The following CDHR2 variants were observed in gnomAD, a reference collection of about 807,000 sequenced individuals.
The protein encoded by CDHR2 is cadherin related family member 2, also known as cadherin-related family member 2.
CDHR2 carries 104 observed loss-of-function variants against 138.6 expected under a neutral mutation model. The ratio of observed to expected loss-of-function variants is 0.75; its 90% CI spans 0.64 to 0.88. The LOEUF is 0.88. Ranked by LOEUF, CDHR2 falls within the 40% of genes least tolerant of loss-of-function variation. CDHR2 has a pLI of 0.00. For missense variants in CDHR2, 1,624 were observed against 1,727.6 expected, an observed-to-expected ratio of 0.94 and a Z score of 1.06; for synonymous variants, 755 against 742.8, an observed-to-expected ratio of 1.02 and a Z score of -0.27.
chr5:176,558,671 C>T (rs886883610), intron 1 of CDHR2, among the ~76,000 whole-genome samples: 16 of 152,270 alleles, frequency 1.1e-4, no homozygotes, highest in African/African-American at 3.8e-4. Flanking sequence ...AGGCGTGAGC[C>T]ACCGCGCCTG....
In CDHR2 at chr5:176,584,891, C is replaced by T. The variant is rs754627883; in HGVS notation, c.2610C>T (p.Ala870=). 4.3e-6 allele frequency: 7 copies of T among 1,613,674 alleles called. No homozygotes were observed. Among genetic ancestry groups the T allele is most frequent in the Non-Finnish European group, 5.1e-6 (6 of 1,179,800 alleles). ...SLCWGWFSVA[A]NGSVYINQSK... The stretch of plus-strand genomic sequence containing the variant: ...GCTGGGGCTGGTTCTCAGTGGCGGC[C>T]AACGGCTCTGTGTACATCAACCAGA... The change falls in exon 19 of 32, where the codon GCC becomes GCT. Residue 870 remains alanine (A), a synonymous_variant. Coordinates refer to ENST00000261944, the MANE Select transcript of CDHR2 (RefSeq NM_017675.6).
chr5:176,587,422 TG>T (rs1328449650), intron 21 of CDHR2, among the ~76,000 whole-genome samples: 1 of 151,836 alleles, frequency 6.6e-6, no homozygotes, highest in Non-Finnish European at 1.5e-5. Context: ...CACTCCAGCC[TG>T]GGCGACAAGA....
In CDHR2 at chr5:176,579,719, G is replaced by A. The variant is rs902306017; in HGVS notation, c.1818+1111G>A. On this transcript the variant is annotated intron_variant, in intron 16 of 31. Transcript: ENST00000261944. The stretch of plus-strand genomic sequence containing the variant: ...AGCAGAATGAAATGGAGGAGCTGAA[G>A]GTGGAGACTGGCTGGGAGGAAGGAA... Among the ~76,000 whole-genome samples the A allele has an allele frequency of 5.9e-5, 9 of 152,300 alleles. No individual in the cohort carries two copies. In the East Asian group the frequency reaches 1.7e-3, roughly 29 times the overall value.
intron 1 of CDHR2, among the ~76,000 whole-genome samples, chr5:176,560,431 A>C (rs1269439537): frequency 6.6e-6 from 1 of 152,058 alleles, no homozygotes; most frequent in Non-Finnish European, 1.5e-5. Flanking sequence ...AGACGCCAAA[A>C]AAGAATGATT....
rs199744196 is a variant in CDHR2, at chr5:176,584,467, G to A, written c.2186G>A (p.Arg729His). The A allele has an allele frequency of 6.0e-5, 97 of 1,609,804 alleles. No individual in the cohort carries two copies. The highest frequency in any genetic ancestry group is 8.4e-5 in the Admixed American group (5 of 59,820). Reference protein sequence around the residue: ...WDADQTEANNRISFSLSGSGA... With the variant: ...WDADQTEANNHISFSLSGSGA... ...GCGGACCAGACGGAAGCCAACAACC[G>A]CATCAGCTTCAGCCTGTCGGGGAGT... Residue 729 changes from arginine (R) to histidine (H), a missense_variant, in exon 19 of 32, where the codon CGC becomes CAC. Arg to His is a conservative substitution (Grantham distance 29). Coordinates refer to ENST00000261944, the MANE Select transcript of CDHR2 (RefSeq NM_017675.6).
At position 176,575,250 on chromosome 5, in the gene CDHR2, G is replaced by A. The variant is rs201292271; in HGVS notation, c.622-30G>A. The A allele has an allele frequency of 4.2e-4, 684 of 1,614,012 alleles. 1 individual carries two copies. Among genetic ancestry groups the A allele is most frequent in the Non-Finnish European group, 5.5e-4 (654 of 1,179,986 alleles). The stretch of plus-strand genomic sequence containing the variant: ...GGCAGGCGGGCCTAGGACCCACGGC[G>A]CTGGCTCACGGGTGGCCATCTCCCC... On this transcript the variant is annotated intron_variant, in intron 8 of 31. Transcript: ENST00000261944.
intron 7 of CDHR2, among the ~76,000 whole-genome samples, 168 bp downstream of exon 7, chr5:176,574,340 C>T (rs182325012): frequency 6.6e-6 from 1 of 152,316 alleles, no homozygotes; most frequent in East Asian, 1.9e-4. Context: ...GGAAACCTCG[C>T]CTTGCCCGCT....
intron 19 of CDHR2, 141 bp downstream of exon 19, chr5:176,585,156 A>T: frequency 9.3e-7 from 1 of 1,069,732 alleles, no homozygotes; most frequent in South Asian, 1.7e-5. Flanking sequence ...AAAGTCCCAA[A>T]CCCTCTCCAA....
Position 176,589,350 on chromosome 5 carries a change from C to T in CDHR2, c.3029C>T (p.Ser1010Phe). Residue 1010 changes from serine to phenylalanine, a missense_variant, in exon 23 of 32, where the codon TCC becomes TTC. Ser to Phe is a radical substitution (Grantham distance 155). This residue lies in a region of CDHR2 where 556 missense variants were observed against 565.7 expected (regional missense o/e 0.98). Coordinates refer to ENST00000261944, the MANE Select transcript of CDHR2 (RefSeq NM_017675.6). ...GSIQPVTSLD[S>F]TLQGTYQVTV... ...CGCAGGCCGGTGACCAGCCTCGACT[C>T]CACTCTCCAAGGCACCTACCAAGTG... 6.4e-7 allele frequency: 1 copy of T among 1,555,900 alleles called. No homozygotes were observed. Among genetic ancestry groups the T allele is most frequent in the East Asian group, 2.2e-5 (1 of 44,458 alleles).
In CDHR2 at chr5:176,589,407, GTCCTT is replaced by G; in HGVS notation, c.3091_3095del (p.Phe1031GlyfsTer36). The G allele has an allele frequency of 6.3e-7, 1 of 1,582,638 alleles. No homozygotes were observed. The highest frequency in any genetic ancestry group is 2.2e-5 in the East Asian group (1 of 44,576). ...CAGGCCAGGGACAGACCTTCCTTGG[GTCCTT>G]TCCTGGAAGCCACCACCACCCTGAA... On this transcript the variant is annotated frameshift_variant, in exon 23 of 32. Coordinates refer to ENST00000261944, the MANE Select transcript of CDHR2 (RefSeq NM_017675.6). LOFTEE classifies it high-confidence loss of function.
At chr5:176,564,645 T>C (rs188351343) in intron 1 of CDHR2, among the ~76,000 whole-genome samples, 4 of 152,274 alleles carry the variant, frequency 2.6e-5, no homozygotes, top group Admixed American at 2.0e-4. Flanking sequence ...TCTGTCTGGC[T>C]ATCAATCAAC....
At position 176,575,180 on chromosome 5, in the gene CDHR2, G is replaced by A. The variant is rs766706774; in HGVS notation, c.592G>A (p.Ala198Thr). 15 of 1,614,098 alleles carry A rather than the reference G, an allele frequency of 9.3e-6. No individual in the cohort carries two copies. The highest frequency in any genetic ancestry group is 6.7e-5 in the East Asian group (3 of 44,900). ...CAGCCTCAGCTACAACAACAAGAGC[G>A]CTTTCTACCAGCTGGAGCTGAAGGC... The part of the protein sequence containing the change: ...NGSLSYNNKS[A>T]FYQLELKACD... Residue 198 changes from alanine (A) to threonine (T), a missense_variant, in exon 8 of 32, where the codon GCT becomes ACT. Ala to Thr is a moderately conservative substitution (Grantham distance 58, BLOSUM62 0). Around this residue, in one of 3 missense-constraint regions of CDHR2, gnomAD observed 1,061 missense variants for 1,136.6 expected, o/e 0.93. Coordinates refer to ENST00000261944, the MANE Select transcript of CDHR2 (RefSeq NM_017675.6).
At chr5:176,549,666 A>C (rs7733701) in intron 1 of CDHR2, among the ~76,000 whole-genome samples, 146,252 of 152,228 alleles carry the variant, frequency 0.96, 70,524 homozygotes, top group Non-Finnish European at 1. Context: ...CAAGTCCTCA[A>C]GGGATGATTC....
At position 176,587,388 on chromosome 5, in the gene CDHR2, C is replaced by T. The variant is rs113101218; in HGVS notation, c.2856+546C>T. On this transcript the variant is annotated intron_variant, in intron 21 of 31. Transcript: ENST00000261944. ...ACTTGAACTCGAGAGGCGGAGGTTGCGGTGAGTCGAGATCACGCCATTGCA... is the reference window on the plus strand; with the variant it reads ...ACTTGAACTCGAGAGGCGGAGGTTGTGGTGAGTCGAGATCACGCCATTGCA... Among the ~76,000 whole-genome samples the T allele has an allele frequency of 2.6e-5, 4 of 151,758 alleles. No homozygotes were observed. The East Asian group carries it at 5.8e-4, about 22-fold the overall frequency.
At chr5:176,586,559 T>C (rs1338343426) in intron 20 of CDHR2, 1 of 542,496 alleles carries the variant, frequency 1.8e-6, no homozygotes, top group African/African-American at 1.9e-5. Flanking sequence ...AGGACTTCCC[T>C]CTCTGGGCCT....
chr5:176,574,113 G>C lies in CDHR2; in HGVS notation c.436G>C (p.Val146Leu). ...TLPVGSVVFSVLAVDKDMGSA... is the reference protein window; with the variant it reads ...TLPVGSVVFSLLAVDKDMGSA... ...GCCCGTGGGCAGTGTGGTGTTCTCC[G>C]TGCTGGCCGTGGATAAAGACATGGG... The change falls in exon 7 of 32, where the codon GTG (valine) becomes CTG (leucine). Residue 146 changes from valine to leucine, a missense_variant. By Grantham distance (32) the Val-to-Leu change is conservative (BLOSUM62 1). Around this residue, in one of 3 missense-constraint regions of CDHR2, gnomAD observed 1,061 missense variants for 1,136.6 expected, o/e 0.93. Coordinates refer to ENST00000261944, the MANE Select transcript of CDHR2 (RefSeq NM_017675.6). The C allele has an allele frequency of 1.2e-6, 2 of 1,614,092 alleles. No homozygotes were observed.
chr5:176,557,229 A>G (rs1757854603), intron 1 of CDHR2, among the ~76,000 whole-genome samples: 1 of 150,772 alleles, frequency 6.6e-6, no homozygotes, highest in Admixed American at 6.6e-5. Flanking sequence ...TTTTTGAGAC[A>G]GGATCTCACT....
upstream of CDHR2, among the ~76,000 whole-genome samples, chr5:176,548,417 G>A (rs1199923192): frequency 6.6e-6 from 1 of 152,206 alleles, no homozygotes; most frequent in Non-Finnish European, 1.5e-5. Flanking sequence ...GAGCCCCTTC[G>A]GGAGGCCACC....
chr5:176,575,361 C>A lies in CDHR2; in HGVS notation c.703C>A (p.Pro235Thr). Residue 235 changes from proline to threonine, a missense_variant, in exon 9 of 32, where the codon CCT becomes ACT. Physicochemically the swap from Pro to Thr is conservative, Grantham distance 38. Coordinates refer to ENST00000261944, the MANE Select transcript of CDHR2 (RefSeq NM_017675.6). Reference protein sequence around the residue: ...VFLSISVVDQPDLDPQFVREF... With the variant: ...VFLSISVVDQTDLDPQFVREF... ...CCTGTCCATCTCCGTGGTGGACCAG[C>A]CTGACCTTGACCCCCAGTTTGTCAG... The A allele has an allele frequency of 6.2e-7, 1 of 1,614,244 alleles. No homozygotes were observed. The highest frequency in any genetic ancestry group is 2.2e-5 in the East Asian group (1 of 44,882).
Sources: gnomAD v4.1 joint callset for allele counts (sites outside exome capture counted in the v4.1 genomes callset) on GRCh38, gnomAD v4.1.1 for gene constraint, gnomAD v4.1.1 regional missense constraint, MANE v1.5 for transcripts, NCBI Gene and HGNC (gene_info 2026-07-23, HGNC 2026-07-21) for gene names.